The following NPAS3 variants were observed in gnomAD, a reference collection of about 807,000 sequenced individuals.
NPAS3 encodes neuronal PAS domain-containing protein 3.
Under a neutral mutation model 73.1 loss-of-function variants are expected in NPAS3, and 14 were observed. The observed-to-expected ratio is 0.19, with a 90% CI of 0.13 to 0.30. NPAS3 has a LOEUF of 0.30. Among genes scored for constraint, NPAS3 ranks in the 10% least tolerant of loss-of-function variants. The pLI, the probability that NPAS3 is intolerant of heterozygous loss-of-function variation, is 1.00. For missense variants in NPAS3, 1,096 were observed against 1,250.0 expected, an observed-to-expected ratio of 0.88 and a Z score of 1.86; for synonymous variants, 620 against 541.5, an observed-to-expected ratio of 1.14 and a Z score of -2.01.
intron 3 of NPAS3, among the ~76,000 whole-genome samples, chr14:33,359,666 CA>C (rs1282647565): frequency 6.6e-5 from 10 of 152,048 alleles, no homozygotes; most frequent in Middle Eastern, 3.4e-3. Context: ...TTTAACTGCT[CA>C]AAAAAAATTT....
intron 4 of NPAS3, among the ~76,000 whole-genome samples, chr14:33,369,887 A>G (rs1400268735): frequency 6.6e-6 from 1 of 152,294 alleles, no homozygotes; most frequent in Middle Eastern, 3.4e-3. Context: ...CAATATCGCA[A>G]TGTTCAGTAA....
At chr14:33,665,480 G>A (rs1312644613) in intron 5 of NPAS3, among the ~76,000 whole-genome samples, 1 of 152,082 alleles carries the variant, frequency 6.6e-6, no homozygotes, top group Non-Finnish European at 1.5e-5. Context: ...GGATGACTTT[G>A]AACAGACCTT....
At chr14:33,100,510 A>G (rs936321576) in intron 2 of NPAS3, among the ~76,000 whole-genome samples, 3 of 152,186 alleles carry the variant, frequency 2.0e-5, no homozygotes, top group Non-Finnish European at 2.9e-5. Flanking sequence ...AGCTACATTT[A>G]TATTACAAGG....
At chr14:33,493,182 A>T (rs2051989379) in intron 4 of NPAS3, among the ~76,000 whole-genome samples, 1 of 152,166 alleles carries the variant, frequency 6.6e-6, no homozygotes, top group East Asian at 1.9e-4. Flanking sequence ...TGGCAAATTA[A>T]AATGCAAGGT....
chr14:33,269,455 G>A (rs1364489832), intron 3 of NPAS3, among the ~76,000 whole-genome samples: 2 of 152,130 alleles, frequency 1.3e-5, no homozygotes, highest in African/African-American at 4.8e-5. Flanking sequence ...GAATCACTCT[G>A]TTAATCACAT....
intron 2 of NPAS3, among the ~76,000 whole-genome samples, chr14:33,126,635 G>A (rs1421507862): frequency 3.9e-5 from 6 of 152,118 alleles, no homozygotes; most frequent in Non-Finnish European, 7.4e-5. Context: ...TTTGGATGGT[G>A]TAAGGTAATG....
chr14:33,478,375 A>T (rs1303782292), intron 4 of NPAS3, among the ~76,000 whole-genome samples: 1 of 152,190 alleles, frequency 6.6e-6, no homozygotes, highest in Non-Finnish European at 1.5e-5. Flanking sequence ...TGCTAATATC[A>T]TGATAATATA....
chr14:33,617,990 G>A (rs888499892), intron 5 of NPAS3, among the ~76,000 whole-genome samples: 4 of 152,150 alleles, frequency 2.6e-5, no homozygotes, highest in Admixed American at 6.5e-5. Context: ...ACAGTAACTC[G>A]GAAGTGCATG....
At chr14:33,342,901 C>G (rs527419640) in intron 3 of NPAS3, among the ~76,000 whole-genome samples, 5 of 152,020 alleles carry the variant, frequency 3.3e-5, no homozygotes, top group Non-Finnish European at 7.4e-5. Flanking sequence ...CTACCCTCTC[C>G]CATTTTTTAG....
At position 33,537,949 on chromosome 14, in the gene NPAS3, G is replaced by A. The variant is rs374362797; in HGVS notation, c.469-22172G>A. ...CAAGCTGGTCACCTTGCCTCAGCCA[G>A]GTGGTTCATGTAGCTTTTAATTATC... On this transcript the variant is annotated intron_variant, in intron 4 of 11. Coordinates refer to ENST00000356141, the Ensembl canonical transcript of NPAS3. 6.6e-5 allele frequency among the ~76,000 whole-genome samples: 10 copies of A among 152,274 alleles called. No homozygotes were observed. The South Asian group carries it at 2.1e-3, about 32-fold the overall frequency.
chr14:33,520,573 C>A (rs920113306), intron 4 of NPAS3, among the ~76,000 whole-genome samples: 2 of 151,996 alleles, frequency 1.3e-5, no homozygotes, highest in Non-Finnish European at 2.9e-5. Flanking sequence ...GATGGAGAAG[C>A]AATAAAAGTG....
At chr14:33,801,107 T>A in exon 12 of NPAS3, 1 of 1,579,196 alleles carries the variant, frequency 6.3e-7, no homozygotes, top group Non-Finnish European at 8.6e-7. Context: ...CAAGGAGGAC[T>A]GAGGCGCCGC....
At chr14:33,395,951 C>T (rs1310373564) in intron 4 of NPAS3, among the ~76,000 whole-genome samples, 1 of 152,084 alleles carries the variant, frequency 6.6e-6, no homozygotes, top group African/African-American at 2.4e-5. Context: ...CTTCCTAGAC[C>T]AGGTGCCTCC....
chr14:33,655,525 C>T (rs2059120831), intron 5 of NPAS3, among the ~76,000 whole-genome samples: 2 of 151,976 alleles, frequency 1.3e-5, no homozygotes, highest in African/African-American at 4.8e-5. Flanking sequence ...ATATGAAAAA[C>T]AAAATATATG....
intron 3 of NPAS3, among the ~76,000 whole-genome samples, chr14:33,328,870 G>C (rs1169987710): frequency 6.6e-6 from 1 of 151,958 alleles, no homozygotes; most frequent in Non-Finnish European, 1.5e-5. Context: ...TGGCTTTAGT[G>C]GTGTCCCACA....
At chr14:33,401,563 G>A (rs1594840022) in intron 4 of NPAS3, among the ~76,000 whole-genome samples, 1 of 152,066 alleles carries the variant, frequency 6.6e-6, no homozygotes, top group African/African-American at 2.4e-5. Context: ...GCCTTTGATT[G>A]TCTTTCCTTC....
intron 6 of NPAS3, among the ~76,000 whole-genome samples, chr14:33,712,681 C>T (rs755879549): frequency 1.3e-5 from 2 of 152,118 alleles, no homozygotes; most frequent in African/African-American, 2.4e-5. Flanking sequence ...TCAGATATCA[C>T]CAGGAAAGTG....
At chr14:33,480,415 G>A (rs1163246865) in intron 4 of NPAS3, among the ~76,000 whole-genome samples, 1 of 152,116 alleles carries the variant, frequency 6.6e-6, no homozygotes, top group East Asian at 1.9e-4. Flanking sequence ...TCTGGGATTA[G>A]TTCTGAAAAG....
intron 3 of NPAS3, among the ~76,000 whole-genome samples, chr14:33,285,464 C>T (rs1268064832): frequency 6.6e-6 from 1 of 152,086 alleles, no homozygotes; most frequent in African/African-American, 2.4e-5. Context: ...AACTCAATGA[C>T]CCATCTCTGG....
Sources: allele counts gnomAD v4.1 joint callset (sites outside exome capture counted in the v4.1 genomes callset), GRCh38; gene constraint gnomAD v4.1.1; transcripts MANE v1.5; gene names NCBI Gene and HGNC (gene_info 2026-07-23, HGNC 2026-07-21).